NKAIN4: variants seen among roughly 807,000 people sequenced by gnomAD.
NKAIN4 encodes the protein sodium/potassium transporting ATPase interacting 4.
NKAIN4 carries 28 observed loss-of-function variants against 28.8 expected under a neutral mutation model. That is an observed-to-expected ratio of 0.97 (90% confidence interval 0.72 to 1.33). NKAIN4 has a LOEUF of 1.33. Among genes scored for constraint, NKAIN4 ranks in the 40% most tolerant of loss-of-function variants. The probability of loss-of-function intolerance (pLI) is 0.00; values close to 1 mark genes in which losing one functional copy is unlikely to be tolerated. For synonymous variants in NKAIN4, 122 were observed against 115.6 expected (o/e 1.06, Z -0.36); for missense variants, 289 against 277.2 (o/e 1.04, Z -0.30).
rs1441325220 is a variant in NKAIN4 at position 63,247,536 on chromosome 20, A to T, written c.471+42T>A. On this transcript the variant is annotated intron_variant, in intron 4 of 6. Transcript: ENST00000370316. ...CCCCCAGCTCCATGTCCCCTCCCCC[A>T]TCAACCCATCCCCACCCGGGGGCCC... 3.9e-6 allele frequency: 6 copies of T among 1,542,872 alleles called. No homozygotes were observed. The Admixed American group carries it at 1.2e-4, about 31-fold the overall frequency.
chr20:63,246,656 G>A (rs996324979), intron 4 of NKAIN4: 47 of 985,286 alleles, frequency 4.8e-5, no homozygotes, highest in African/African-American at 1.4e-4. Flanking sequence ...ACCACCGTGC[G>A]CACCAGGAAA....
Position 63,252,780 on chromosome 20 carries a change from C to T in NKAIN4, c.54+1617G>A, listed in dbSNP as rs2123134879. Among the ~76,000 whole-genome samples the T allele has an allele frequency of 6.6e-6, 1 of 152,298 alleles. No homozygotes were observed. The highest frequency in any genetic ancestry group is 1.5e-5 in the Non-Finnish European group (1 of 68,026). On this transcript the variant is annotated intron_variant, in intron 1 of 6. Coordinates refer to ENST00000370316, the MANE Select transcript of NKAIN4 (RefSeq NM_152864.4). The surrounding 1 kb of genome is among the most constrained non-coding windows in gnomAD (Gnocchi z 4.6). ...TTGGCTGCAACCAAATTTCCAAGGG[C>T]CTGCATGTGCGCCCATCTGTCTACT...
upstream of NKAIN4, chr20:63,254,532 C>G: frequency 9.7e-7 from 1 of 1,034,640 alleles, no homozygotes; most frequent in Non-Finnish European, 1.2e-6. Flanking sequence ...CGCGCCGCAG[C>G]CTGGACCCCG....
rs1052109367 is a variant in NKAIN4 at position 63,247,579 on chromosome 20, G to T, written c.470C>A (p.Ala157Glu). The change falls in exon 4 of 7, where the codon GCG becomes GAG. Residue 157 changes from alanine to glutamate, a missense_variant and splice_region_variant. Physicochemically the swap from Ala to Glu is moderately radical, Grantham distance 107. Transcript: ENST00000370316. ...ALHSCLQILI[A>E]LLGFVCGCQV... is the part of the protein sequence containing the mutation. ...GGGGGCCCCCTTCCCCACGCTCACC[G>T]CGATCAGGATCTGCAGGCAACTGTG... The T allele has an allele frequency of 7.1e-6, 11 of 1,545,950 alleles. No homozygotes were observed. Among genetic ancestry groups the T allele is most frequent in the Non-Finnish European group, 7.9e-6 (9 of 1,144,290 alleles).
At position 63,241,510 on chromosome 20, in the gene NKAIN4, T is replaced by C; in HGVS notation, c.618-4A>G. On this transcript the variant is annotated splice_polypyrimidine_tract_variant and splice_region_variant and intron_variant, in intron 6 of 6. Coordinates refer to ENST00000370316, the MANE Select transcript of NKAIN4 (RefSeq NM_152864.4). Reference sequence around the variant, plus strand: ...CTGTTTCCTCACTTACGCAGGCCTGTGGGGACAAGGTCAGAGAGCACCTGG... The same window carrying C: ...CTGTTTCCTCACTTACGCAGGCCTGCGGGGACAAGGTCAGAGAGCACCTGG... 1 of 1,549,902 alleles carries C rather than the reference T, an allele frequency of 6.5e-7. No individual in the cohort carries two copies. The highest frequency in any genetic ancestry group is 1.2e-5 in the South Asian group (1 of 84,036).
chr20:63,241,509 G>A lies in NKAIN4; in HGVS notation c.618-3C>T. 6.5e-7 allele frequency: 1 copy of A among 1,550,324 alleles called. No individual in the cohort carries two copies. The highest frequency in any genetic ancestry group is 1.2e-5 in the South Asian group (1 of 84,050). On this transcript the variant is annotated splice_polypyrimidine_tract_variant and splice_region_variant and intron_variant, in intron 6 of 6. Coordinates refer to ENST00000370316, the MANE Select transcript of NKAIN4 (RefSeq NM_152864.4). ...GCTGTTTCCTCACTTACGCAGGCCT[G>A]TGGGGACAAGGTCAGAGAGCACCTG... is the stretch of plus-strand genomic sequence containing the variant.
At chr20:63,250,229 CCTGCT>C (rs1229904968) in intron 1 of NKAIN4, among the ~76,000 whole-genome samples, 157 bp from the exon 2 acceptor site, 2 of 152,138 alleles carry the variant, frequency 1.3e-5, no homozygotes, top group Non-Finnish European at 2.9e-5. Context: ...GGCTGTAACT[CCTGCT>C]CTGTGACCAC....
rs1307366178 is a variant in NKAIN4, at chr20:63,252,651, C to T, written c.54+1746G>A. Reference sequence around the variant, plus strand: ...TCCCTGCTGCGGTTCAGCAGTGACCCAGAGGCTGGCCCTGAGAGGACACGG... The same window carrying T: ...TCCCTGCTGCGGTTCAGCAGTGACCTAGAGGCTGGCCCTGAGAGGACACGG... On this transcript the variant is annotated intron_variant, in intron 1 of 6. Transcript: ENST00000370316. The surrounding 1 kb of genome is among the most constrained non-coding windows in gnomAD (Gnocchi z 4.6). Among the ~76,000 whole-genome samples, 2 of 152,104 alleles carry T rather than the reference C, an allele frequency of 1.3e-5. No homozygotes were observed. Among genetic ancestry groups the T allele is most frequent in the Non-Finnish European group, 2.9e-5 (2 of 68,026 alleles).
Position 63,241,264 on chromosome 20 carries a change from CTT to C in NKAIN4, c.*231_*232del, listed in dbSNP as rs530047912. ...CCTTTTCTTTTGTATGTTTTCTTTTCTTTTTTTTTTTTAAGAGAAAGGAAATT... is the reference window on the plus strand; with the variant it reads ...CCTTTTCTTTTGTATGTTTTCTTTTCTTTTTTTTTTAAGAGAAAGGAAATT... On this transcript the variant is annotated 3_prime_UTR_variant, in exon 7 of 7. Coordinates refer to ENST00000370316, the MANE Select transcript of NKAIN4 (RefSeq NM_152864.4). 1.4e-3 allele frequency: 660 copies of C among 456,194 alleles called. No individual in the cohort carries two copies. Among genetic ancestry groups the C allele is most frequent in the South Asian group, 2.3e-3 (81 of 34,714 alleles). The allele number at this position is 456,194 out of a possible 1,614,324, so 28.3% of individuals were successfully genotyped here.
In NKAIN4 at chr20:63,240,838, G is replaced by C. The variant is rs1407594865; in HGVS notation, c.*659C>G. The C allele has an allele frequency of 2.0e-5, 3 of 152,420 alleles. No individual in the cohort carries two copies. Among genetic ancestry groups the C allele is most frequent in the Non-Finnish European group, 4.4e-5 (3 of 68,214 alleles). 9.4% of individuals were successfully genotyped at this position (152,420 alleles called of 1,614,324 possible). On this transcript the variant is annotated 3_prime_UTR_variant, in exon 7 of 7. Coordinates refer to ENST00000370316, the MANE Select transcript of NKAIN4 (RefSeq NM_152864.4). ...CTTGATGATACCTGGGGGAGCCTTT[G>C]GGACTGTTTGCCCAAGAGCCCCCTT...
rs1231388302 is a variant in NKAIN4, at chr20:63,244,068, C to G, written c.488G>C (p.Cys163Ser). 3 of 1,613,818 alleles carry G rather than the reference C, an allele frequency of 1.9e-6. No homozygotes were observed. Among genetic ancestry groups the G allele is most frequent in the Admixed American group, 3.3e-5 (2 of 59,976 alleles). The change falls in exon 5 of 7, where the codon TGT becomes TCT. Residue 163 changes from cysteine (C) to serine (S), a missense_variant. By Grantham distance (112) the Cys-to-Ser change is moderately radical. Transcript: ENST00000370316. ...AAACACGCTGACCACCTGGCAGCCA[C>G]AGACAAAGCCCAGAAGCTGAAAGAC... ...QILIALLGFVCGCQVVSVFTE... is the reference protein window; with the variant it reads ...QILIALLGFVSGCQVVSVFTE...
rs950608482 is a variant in NKAIN4 at position 63,248,645 on chromosome 20, C to T, written c.273+170G>A. 13 of 590,888 alleles carry T rather than the reference C, an allele frequency of 2.2e-5. No homozygotes were observed. The Middle Eastern group carries it at 7.8e-4, about 36-fold the overall frequency. 36.6% of individuals were successfully genotyped at this position (590,888 alleles called of 1,614,324 possible). ...TCACTGGTCTTTCCCCAAACCTTTA[C>T]TGAGTTACCAACTACAGACCAGGGC... is the stretch of plus-strand genomic sequence containing the variant. On this transcript the variant is annotated intron_variant, in intron 3 of 6. Transcript: ENST00000370316.
chr20:63,254,053 C>A, intron 1 of NKAIN4: 1 of 290,886 alleles, frequency 3.4e-6, no homozygotes. Flanking sequence ...GCACCCGGGG[C>A]CACACACGCC....
chr20:63,246,937 G>C (rs1161804460), intron 4 of NKAIN4: 47 of 985,988 alleles, frequency 4.8e-5, no homozygotes, highest in Non-Finnish European at 5.4e-5. Context: ...CATACCAGGA[G>C]CAGCATCGTA....
chr20:63,254,901 T>A (rs1364952941), upstream of NKAIN4: 3 of 155,510 alleles, frequency 1.9e-5, no homozygotes, highest in African/African-American at 4.8e-5. Flanking sequence ...GCGACCCGCA[T>A]CCGCGAGGCG....
chr20:63,253,800 T>G (rs1601305293), intron 1 of NKAIN4, among the ~76,000 whole-genome samples: 1 of 151,954 alleles, frequency 6.6e-6, no homozygotes, highest in African/African-American at 2.4e-5. Context: ...CTCCAGCCCC[T>G]TCTCGCCTCC....
chr20:63,251,923 G>C (rs1013596918), intron 1 of NKAIN4, among the ~76,000 whole-genome samples: 1 of 152,168 alleles, frequency 6.6e-6, no homozygotes, highest in African/African-American at 2.4e-5. Flanking sequence ...TACGAGGAGG[G>C]ATGTCTGCCC....
In NKAIN4 at chr20:63,247,600, C is replaced by A; in HGVS notation, c.449G>T (p.Ser150Ile). The change falls in exon 4 of 7, where the codon AGT becomes ATT. Residue 150 changes from serine to isoleucine, a missense_variant. Physicochemically the swap from Ser to Ile is moderately radical, Grantham distance 142. Coordinates refer to ENST00000370316, the MANE Select transcript of NKAIN4 (RefSeq NM_152864.4). ...LEPSYVEALH[S>I]CLQILIALLG... Reference sequence around the variant, plus strand: ...CACCGCGATCAGGATCTGCAGGCAACTGTGTAGGGCCTCCACATAGCTGGG... The same window carrying A: ...CACCGCGATCAGGATCTGCAGGCAAATGTGTAGGGCCTCCACATAGCTGGG... 1 of 1,546,984 alleles carries A rather than the reference C, an allele frequency of 6.5e-7. No homozygotes were observed. The highest frequency in any genetic ancestry group is 8.7e-7 in the Non-Finnish European group (1 of 1,144,872).
At chr20:63,241,765 A>T (rs1665973924) in intron 6 of NKAIN4, 2 of 662,644 alleles carry the variant, frequency 3.0e-6, no homozygotes, top group Non-Finnish European at 5.7e-6. Flanking sequence ...GGGAGTGGAG[A>T]GGGGGCTCAC....
Sources: gnomAD v4.1 joint callset for allele counts (sites outside exome capture counted in the v4.1 genomes callset) on GRCh38, gnomAD v4.1.1 for gene constraint, Gnocchi (gnomAD v3.1) non-coding constraint, MANE v1.5 for transcripts, NCBI Gene and HGNC (gene_info 2026-07-23, HGNC 2026-07-21) for gene names.